CPXM1: variants seen among roughly 807,000 people sequenced by gnomAD.
CPXM1 encodes the protein probable carboxypeptidase X1.
In CPXM1, 72 loss-of-function variants were observed where a neutral mutation model predicts 80.4. The observed-to-expected ratio is 0.90, with a 90% CI of 0.74 to 1.09. The LOEUF is 1.09. Among genes scored for constraint, CPXM1 ranks in the 50% least tolerant of loss-of-function variants. The pLI, the probability that CPXM1 is intolerant of heterozygous loss-of-function variation, is 0.00. For synonymous variants in CPXM1, 403 were observed against 405.6 expected, an observed-to-expected ratio of 0.99 and a Z score of 0.08; for missense variants, 892 against 999.4, an observed-to-expected ratio of 0.89 and a Z score of 1.45.
Position 2,794,424 on chromosome 20 carries a change from G to A in CPXM1, c.1971C>T (p.Gly657=), listed in dbSNP as rs550041299. The A allele has an allele frequency of 8.1e-6, 13 of 1,613,912 alleles. No individual in the cohort carries two copies. The highest frequency in any genetic ancestry group is 5.0e-5 in the Admixed American group (3 of 59,994). ...GGGTCAGCAGACGCCAATAATCCCCGCCCCACGCTGAGGAGAGTGAAGGGC... is the reference window on the plus strand; with the variant it reads ...GGGTCAGCAGACGCCAATAATCCCCACCCCACGCTGAGGAGAGTGAAGGGC... ...GINHDVTTAW[G]GDYWRLLTPG... is the part of the protein sequence containing the mutation. Residue 657 remains glycine, a synonymous_variant, in exon 14 of 14, where the codon GGC becomes GGT. Coordinates refer to ENST00000380605, the MANE Select transcript of CPXM1 (RefSeq NM_019609.5). The surrounding 1 kb of genome is among the most constrained non-coding windows in gnomAD (Gnocchi z 5.2).
chr20:2,796,587 A>G lies in CPXM1; in HGVS notation c.985T>C (p.Tyr329His). ...ITRIYSIGKS[Y>H]QGLKLYVMEM... ...ATCACATACAGCTTCAGGCCCTGGT[A>G]GCTCTTCCCAATGCTGTAGATGCGG... Residue 329 changes from tyrosine (Y) to histidine (H), a missense_variant, in exon 8 of 14, where the codon TAC (tyrosine) becomes CAC (histidine). Around this residue, in one of 2 missense-constraint regions of CPXM1, gnomAD observed 874 missense variants for 958.4 expected, o/e 0.91. Coordinates refer to ENST00000380605, the MANE Select transcript of CPXM1 (RefSeq NM_019609.5). This position sits in a 1 kb window ranked among gnomAD's most constrained non-coding sequence, Gnocchi z 6.8. The G allele has an allele frequency of 6.2e-7, 1 of 1,614,156 alleles. No homozygotes were observed. Among genetic ancestry groups the G allele is most frequent in the Non-Finnish European group, 8.5e-7 (1 of 1,180,014 alleles).
chr20:2,800,411 C>A lies in CPXM1; in HGVS notation c.162G>T (p.Glu54Asp). The A allele has an allele frequency of 6.5e-6, 10 of 1,531,320 alleles. No homozygotes were observed. The highest frequency in any genetic ancestry group is 8.7e-6 in the Non-Finnish European group (10 of 1,147,006). 94.9% of individuals were successfully genotyped at this position (1,531,320 alleles called of 1,614,324 possible). Residue 54 changes from glutamate to aspartate, a missense_variant, in exon 1 of 14, where the codon GAG becomes GAT. Around this residue, in one of 2 missense-constraint regions of CPXM1, gnomAD observed 874 missense variants for 958.4 expected, o/e 0.91. Coordinates refer to ENST00000380605, the MANE Select transcript of CPXM1 (RefSeq NM_019609.5). ...GGTCGGGGAACTCACCGTTAGCTGT[C>A]TCCGCCGGCGGCTGTGCCGGGCTGC... ...LHSSPAQPPA[E>D]TANGTSEQHV...
In CPXM1 at chr20:2,800,477, G is replaced by A. The variant is rs769721099; in HGVS notation, c.96C>T (p.Pro32=). The change falls in exon 1 of 14, where the codon CCC becomes CCT. Residue 32 remains proline, a synonymous_variant. Transcript: ENST00000380605. ...PRNSVLGLAQ[P]GTTKVPGSTP... is the part of the protein sequence containing the mutation. ...TCGAGCCTGGGACCTTGGTGGTCCCGGGCTGCGCGAGGCCCAGCACCGAGT... is the reference window on the plus strand; with the variant it reads ...TCGAGCCTGGGACCTTGGTGGTCCCAGGCTGCGCGAGGCCCAGCACCGAGT... The A allele has an allele frequency of 7.6e-6, 11 of 1,447,380 alleles. No homozygotes were observed. In the Middle Eastern group the frequency reaches 8.8e-4, roughly 116 times the overall value. The allele number at this position is 1,447,380 out of a possible 1,614,324, so 89.7% of individuals were successfully genotyped here.
In CPXM1 at chr20:2,796,935, C is replaced by T. The variant is rs1019336221; in HGVS notation, c.921+71G>A. The T allele has an allele frequency of 4.6e-5, 65 of 1,421,042 alleles. No individual in the cohort carries two copies. Among genetic ancestry groups the T allele is most frequent in the Non-Finnish European group, 5.7e-5 (58 of 1,011,550 alleles). 88.0% of individuals were successfully genotyped at this position (1,421,042 alleles called of 1,614,324 possible). ...AGCGCAGTCACAGCAGGTTGTGCCC[C>T]GGTGGGAAGGTGGGAAGGGGACCTG... is the stretch of plus-strand genomic sequence containing the variant. On this transcript the variant is annotated intron_variant, in intron 7 of 13. Transcript: ENST00000380605. The surrounding 1 kb of genome is among the most constrained non-coding windows in gnomAD (Gnocchi z 6.8).
In CPXM1 at chr20:2,795,506, T is replaced by C; in HGVS notation, c.1721-90A>G. 6.3e-7 allele frequency: 1 copy of C among 1,584,430 alleles called. No homozygotes were observed. Among genetic ancestry groups the C allele is most frequent in the East Asian group, 2.3e-5 (1 of 44,442 alleles). ...CCCTTCTCTGAGGGACACTTCAGAGTGGGAACAGACGCCAGCACTGTACGC... is the reference window on the plus strand; with the variant it reads ...CCCTTCTCTGAGGGACACTTCAGAGCGGGAACAGACGCCAGCACTGTACGC... On this transcript the variant is annotated intron_variant, in intron 11 of 13. Coordinates refer to ENST00000380605, the MANE Select transcript of CPXM1 (RefSeq NM_019609.5). This position sits in a 1 kb window ranked among gnomAD's most constrained non-coding sequence, Gnocchi z 5.4.
intron 1 of CPXM1, among the ~76,000 whole-genome samples, chr20:2,800,181 A>G (rs13037224): frequency 0.031 from 4,598 of 146,006 alleles, 97 homozygotes; most frequent in Non-Finnish European, 0.05. Flanking sequence ...ATGCGTGTGA[A>G]TGCGCGCGCG....
In CPXM1 at chr20:2,794,294, T is replaced by A. The variant is rs149794908; in HGVS notation, c.2101A>T (p.Thr701Ser). ...EGPFPCNFVL[T>S]KTPKQRLREL... ...CGCAGCCTCTGTTTGGGAGTCTTGGTGAGCACGAAATTGCAGGGGAAGGGG... is the reference window on the plus strand; with the variant it reads ...CGCAGCCTCTGTTTGGGAGTCTTGGAGAGCACGAAATTGCAGGGGAAGGGG... The change falls in exon 14 of 14, where the codon ACC becomes TCC. Residue 701 changes from threonine (T) to serine (S), a missense_variant. Physicochemically the swap from Thr to Ser is moderately conservative, Grantham distance 58. This residue lies in a region of CPXM1 where 874 missense variants were observed against 958.4 expected (regional missense o/e 0.91). Coordinates refer to ENST00000380605, the MANE Select transcript of CPXM1 (RefSeq NM_019609.5). This position sits in a 1 kb window ranked among gnomAD's most constrained non-coding sequence, Gnocchi z 5.2. 9.9e-6 allele frequency: 16 copies of A among 1,614,120 alleles called. 1 individual carries two copies. Among genetic ancestry groups the A allele is most frequent in the Middle Eastern group, 1.6e-4 (1 of 6,062 alleles).
In CPXM1 at chr20:2,796,480, T is replaced by G. The variant is rs1002382493; in HGVS notation, c.1046-37A>C. Reference sequence around the variant, plus strand: ...TGGGGGCTTGCAGCGGGTTCATGCCTGGGGCCCTGCCCTGTGCCTACCTCT... The same window carrying G: ...TGGGGGCTTGCAGCGGGTTCATGCCGGGGGCCCTGCCCTGTGCCTACCTCT... On this transcript the variant is annotated intron_variant, in intron 8 of 13. Transcript: ENST00000380605. This position sits in a 1 kb window ranked among gnomAD's most constrained non-coding sequence, Gnocchi z 6.8. The G allele has an allele frequency of 6.2e-7, 1 of 1,613,150 alleles. No individual in the cohort carries two copies. Among genetic ancestry groups the G allele is most frequent in the Admixed American group, 1.7e-5 (1 of 59,970 alleles).
chr20:2,797,271 G>A lies in CPXM1; in HGVS notation c.753C>T (p.Phe251=), dbSNP rs147696702. ...GCCAGGTCTGGGGCAGCAGGCGAAT[G>A]AAGCGGGCCACCTGGGGCTCCGGCA... ...NLLPEPQVAR[F]IRLLPQTWLQ... is the part of the protein sequence containing the mutation. Residue 251 remains phenylalanine (F), a synonymous_variant, in exon 6 of 14, where the codon TTC becomes TTT. Coordinates refer to ENST00000380605, the MANE Select transcript of CPXM1 (RefSeq NM_019609.5). The A allele has an allele frequency of 1.4e-3, 2,159 of 1,570,050 alleles. 4 individuals are homozygous for A. Among genetic ancestry groups the A allele is most frequent in the Non-Finnish European group, 1.6e-3 (1,865 of 1,155,984 alleles).
At position 2,795,919 on chromosome 20, in the gene CPXM1, G is replaced by T. The variant is rs374518251; in HGVS notation, c.1423-23C>A. The T allele has an allele frequency of 3.7e-6, 6 of 1,604,984 alleles. No individual in the cohort carries two copies. Among genetic ancestry groups the T allele is most frequent in the Non-Finnish European group, 5.1e-6 (6 of 1,173,376 alleles). On this transcript the variant is annotated intron_variant, in intron 10 of 13. Coordinates refer to ENST00000380605, the MANE Select transcript of CPXM1 (RefSeq NM_019609.5). This position sits in a 1 kb window ranked among gnomAD's most constrained non-coding sequence, Gnocchi z 5.4. ...CACCTGGATGGGGCAGGTCAGGAGG[G>T]GCAGGAGACAGAGACAAGGTCCGCC...
At position 2,800,389 on chromosome 20, in the gene CPXM1, C is replaced by T. The variant is rs759487105; in HGVS notation, c.172+12G>A. 4 of 1,516,770 alleles carry T rather than the reference C, an allele frequency of 2.6e-6. No individual in the cohort carries two copies. Among genetic ancestry groups the T allele is most frequent in the Non-Finnish European group, 3.5e-6 (4 of 1,140,254 alleles). The allele number at this position is 1,516,770 out of a possible 1,614,324, so 94.0% of individuals were successfully genotyped here. On this transcript the variant is annotated intron_variant, in intron 1 of 13. Transcript: ENST00000380605. Reference sequence around the variant, plus strand: ...GCTTGCGGGGGAGCGGACCGTCGGTCGGGGAACTCACCGTTAGCTGTCTCC... The same window carrying T: ...GCTTGCGGGGGAGCGGACCGTCGGTTGGGGAACTCACCGTTAGCTGTCTCC...
chr20:2,798,691 T>G lies in CPXM1; in HGVS notation c.340+35A>C, dbSNP rs1489746732. The G allele has an allele frequency of 2.5e-6, 4 of 1,596,110 alleles. No homozygotes were observed. In the Admixed American group the frequency reaches 6.8e-5, roughly 27 times the overall value. On this transcript the variant is annotated intron_variant, in intron 2 of 13. Coordinates refer to ENST00000380605, the MANE Select transcript of CPXM1 (RefSeq NM_019609.5). ...TGTGCTGGTAAAGTGCCCCAGGGGC[T>G]GCAAGTCTGGGCTGGGCCCCTGGAG...
At position 2,797,086 on chromosome 20, in the gene CPXM1, C is replaced by A; in HGVS notation, c.841G>T (p.Asp281Tyr). The A allele has an allele frequency of 6.2e-7, 1 of 1,614,030 alleles. No homozygotes were observed. The highest frequency in any genetic ancestry group is 1.1e-5 in the South Asian group (1 of 91,052). ...GACGCAGGGGCCTCAAGGAATAGGT[C>A]ATTGGGGTCTGGTGGAGGTTGAGTT... ...ILACPVSDPN[D>Y]LFLEAPASGS... Residue 281 changes from aspartate to tyrosine, a missense_variant, in exon 7 of 14, where the codon GAC (aspartate) becomes TAC (tyrosine). Coordinates refer to ENST00000380605, the MANE Select transcript of CPXM1 (RefSeq NM_019609.5).
intron 1 of CPXM1, 33 bp downstream of exon 1, chr20:2,800,368 G>T (rs2088557387): frequency 1.4e-6 from 2 of 1,479,660 alleles, no homozygotes; most frequent in African/African-American, 1.4e-5. Flanking sequence ...CAGTCGGCTT[G>T]CGGGGGAGCG....
Position 2,798,159 on chromosome 20 carries a change from C to G in CPXM1, c.583G>C (p.Val195Leu). ...SGVITQGRNS[V>L]WRYDWVTSYK... ...AGGGTTAGTCTGCCTCACCTCCAGA[C>G]AGAGTTCCTGCCCTGTGTGATAACA... The change falls in exon 4 of 14, where the codon GTC (valine) becomes CTC (leucine). Residue 195 changes from valine (V) to leucine (L), a missense_variant. Coordinates refer to ENST00000380605, the MANE Select transcript of CPXM1 (RefSeq NM_019609.5). The G allele has an allele frequency of 6.2e-7, 1 of 1,613,998 alleles. No homozygotes were observed. The highest frequency in any genetic ancestry group is 8.5e-7 in the Non-Finnish European group (1 of 1,179,994).
In CPXM1 at chr20:2,794,376, G is replaced by A; in HGVS notation, c.2019C>T (p.Ala673=). The change falls in exon 14 of 14, where the codon GCC becomes GCT. Residue 673 remains alanine (A), a synonymous_variant. Transcript: ENST00000380605. The surrounding 1 kb of genome is among the most constrained non-coding windows in gnomAD (Gnocchi z 5.2). ...LLTPGDYMVT[A]SAEGYHSVTR... The stretch of plus-strand genomic sequence containing the variant: ...TCACTGAATGGTAGCCCTCGGCACT[G>A]GCAGTCACCATGTAGTCCCCTGGGG... The A allele has an allele frequency of 1.2e-6, 2 of 1,614,146 alleles. No homozygotes were observed. Among genetic ancestry groups the A allele is most frequent in the Non-Finnish European group, 1.7e-6 (2 of 1,180,016 alleles).
At chr20:2,800,291 AGTGTGCGTGG>A (rs957559685) in intron 1 of CPXM1, 100 bp downstream of exon 1, 7 of 979,040 alleles carry the variant, frequency 7.1e-6, no homozygotes, top group Middle Eastern at 5.8e-4. Context: ...CATGACTGTG[AGTGTGCGTGG>A]GTGTGCGTGT....
At position 2,796,243 on chromosome 20, in the gene CPXM1, C is replaced by T. The variant is rs762929976; in HGVS notation, c.1242+4G>A. On this transcript the variant is annotated splice_donor_region_variant and intron_variant, in intron 9 of 13. Transcript: ENST00000380605. This position sits in a 1 kb window ranked among gnomAD's most constrained non-coding sequence, Gnocchi z 6.8. ...CAGAGTGGCCCTCATGCTGGGTGGC[C>T]TACCCGGTGGTAGGCGATCTCATAG... is the stretch of plus-strand genomic sequence containing the variant. The T allele has an allele frequency of 6.2e-7, 1 of 1,613,110 alleles. No homozygotes were observed. The highest frequency in any genetic ancestry group is 8.5e-7 in the Non-Finnish European group (1 of 1,179,466).
At position 2,794,773 on chromosome 20, in the gene CPXM1, C is replaced by A; in HGVS notation, c.1861-134G>T. The A allele has an allele frequency of 3.3e-6, 2 of 610,136 alleles. No individual in the cohort carries two copies. The highest frequency in any genetic ancestry group is 5.7e-6 in the Non-Finnish European group (2 of 349,666). 37.8% of individuals were successfully genotyped at this position (610,136 alleles called of 1,614,324 possible). The stretch of plus-strand genomic sequence containing the variant: ...ACTGTGTTCCTAGGTGACACTACTT[C>A]TGGAAGAAAAAAAAAAAAGAAATCC... On this transcript the variant is annotated intron_variant, in intron 12 of 13. Coordinates refer to ENST00000380605, the MANE Select transcript of CPXM1 (RefSeq NM_019609.5). The surrounding 1 kb of genome is among the most constrained non-coding windows in gnomAD (Gnocchi z 5.2).
Sources: allele counts gnomAD v4.1 joint callset (sites outside exome capture counted in the v4.1 genomes callset), GRCh38; gene constraint gnomAD v4.1.1; regional missense constraint gnomAD v4.1.1; non-coding constraint Gnocchi (gnomAD v3.1); transcripts MANE v1.5; gene names NCBI Gene and HGNC (gene_info 2026-07-23, HGNC 2026-07-21).